Variants in MTMR3 observed in about 807,000 individuals in gnomAD.
MTMR3 encodes phosphatidylinositol-3,5-bisphosphate 3-phosphatase MTMR3.
Under a neutral mutation model 132.4 loss-of-function variants are expected in MTMR3, and 32 were observed. That is an observed-to-expected ratio of 0.24 (90% confidence interval 0.18 to 0.32). MTMR3 has a LOEUF of 0.32. Among genes scored for constraint, MTMR3 ranks in the 10% least tolerant of loss-of-function variants. The pLI is 1.00. For synonymous variants in MTMR3, 556 were observed against 550.3 expected, an observed-to-expected ratio of 1.01 and a Z score of -0.14; for missense variants, 1,216 against 1,489.6, an observed-to-expected ratio of 0.82 and a Z score of 3.02.
chr22:29,907,868 T>C (rs1481559601), intron 1 of MTMR3, among the ~76,000 whole-genome samples: 1 of 152,058 alleles, frequency 6.6e-6, no homozygotes, highest in Non-Finnish European at 1.5e-5. Context: ...AGGAATATGG[T>C]TTCATGATAA....
rs145703649 is a variant in MTMR3 at position 29,896,869 on chromosome 22, T to TCTCTCACACACACACA, written c.-138+13511_-138+13512insTCTCACACACACACAC. Reference sequence around the variant, plus strand: ...TATAGTACAGAATAACAGGCTTGTCTCACACACACACACACACACACACAC... The same window carrying TCTCTCACACACACACA: ...TATAGTACAGAATAACAGGCTTGTCTCTCTCACACACACACACACACACACACACACACACACACAC... On this transcript the variant is annotated intron_variant, in intron 1 of 19. Transcript: ENST00000401950. Among the ~76,000 whole-genome samples, 6 of 138,222 alleles carry TCTCTCACACACACACA rather than the reference T, an allele frequency of 4.3e-5. No homozygotes were observed. The East Asian group carries it at 8.6e-4, about 20-fold the overall frequency. The allele number at this position is 138,222 out of a possible 152,430, so 90.7% of individuals were successfully genotyped here. A position where few individuals can be genotyped will look rare whatever the true frequency, so the allele number is the denominator to read the frequency against.
chr22:29,962,022 C>A (rs1346232828), intron 2 of MTMR3, among the ~76,000 whole-genome samples: 1 of 152,202 alleles, frequency 6.6e-6, no homozygotes, highest in Non-Finnish European at 1.5e-5. Flanking sequence ...TGTATAAATA[C>A]CTCTGTGATG....
chr22:30,023,655 C>T (rs778142343), intron 19 of MTMR3: 20 of 738,012 alleles, frequency 2.7e-5, no homozygotes, highest in African/African-American at 1.7e-4. Context: ...GAGAGGCCAT[C>T]GAGGGTGGGT....
At chr22:29,936,137 CT>C (rs112804604) in intron 1 of MTMR3, among the ~76,000 whole-genome samples, 4,938 of 152,214 alleles carry the variant, frequency 0.032, 278 homozygotes, top group African/African-American at 0.11. Flanking sequence ...TCATCTCTTT[CT>C]ATTCTGTAGC....
At chr22:29,927,935 C>CTTTTTTT (rs1448628702) in intron 1 of MTMR3, among the ~76,000 whole-genome samples, 2 of 108,472 alleles carry the variant, frequency 1.8e-5, no homozygotes, top group African/African-American at 6.3e-5. Flanking sequence ...AATCTCTAGC[C>CTTTTTTT]TTTGTTTTTT....
chr22:29,969,538 GTTTT>G (rs111517689), intron 2 of MTMR3, among the ~76,000 whole-genome samples: 2 of 150,208 alleles, frequency 1.3e-5, no homozygotes, highest in Non-Finnish European at 3.0e-5. Flanking sequence ...TGTTTTTTTG[GTTTT>G]TTTTTGAGAC....
intron 1 of MTMR3, among the ~76,000 whole-genome samples, chr22:29,890,958 C>T (rs2064785315): frequency 1.3e-5 from 2 of 150,976 alleles, no homozygotes; most frequent in Non-Finnish European, 1.5e-5. Flanking sequence ...GGCTAAAGTT[C>T]ACTGTGATTG....
intron 3 of MTMR3, among the ~76,000 whole-genome samples, chr22:29,975,654 G>T (rs369960213): frequency 6.6e-6 from 1 of 152,316 alleles, no homozygotes; most frequent in South Asian, 2.1e-4. Flanking sequence ...AGGCTTGACC[G>T]TAGTGGCGCA....
intron 9 of MTMR3, chr22:30,004,404 GAGGCTTT>G (rs1428536510): frequency 6.6e-6 from 1 of 152,158 alleles, no homozygotes; most frequent in African/African-American, 2.4e-5. Context: ...TGCAAAATAA[GAGGCTTT>G]AGGTGAATTC....
chr22:29,935,321 G>A (rs932287869), intron 1 of MTMR3, among the ~76,000 whole-genome samples: 1 of 152,162 alleles, frequency 6.6e-6, no homozygotes, highest in Admixed American at 6.5e-5. Context: ...ATACCATTGG[G>A]AGTGGAAGCA....
At chr22:29,917,403 G>A (rs1242961285) in intron 1 of MTMR3, among the ~76,000 whole-genome samples, 1 of 152,180 alleles carries the variant, frequency 6.6e-6, no homozygotes, top group Non-Finnish European at 1.5e-5. Flanking sequence ...TACTTGGCAG[G>A]CTGAGGTGGG....
chr22:29,973,824 C>A (rs1481578094), intron 3 of MTMR3, among the ~76,000 whole-genome samples: 3 of 152,158 alleles, frequency 2.0e-5, no homozygotes, highest in Non-Finnish European at 4.4e-5. Flanking sequence ...GTCTCGAACT[C>A]CTGACCTCAG....
At chr22:29,889,905 T>C (rs926664958) in intron 1 of MTMR3, among the ~76,000 whole-genome samples, 12 of 56,016 alleles carry the variant, frequency 2.1e-4, no homozygotes, top group Non-Finnish European at 3.0e-4. Context: ...TTAGGATAAA[T>C]TCTTTTTTTT....
intron 17 of MTMR3, 174 bp from the exon 18 acceptor site, chr22:30,021,854 AG>A (rs1214967386): frequency 4.9e-6 from 3 of 608,330 alleles, no homozygotes; most frequent in Non-Finnish European, 8.9e-6. Context: ...AGCTGAGCCC[AG>A]GCCCACACTG....
intron 1 of MTMR3, among the ~76,000 whole-genome samples, chr22:29,903,663 G>A (rs934163703): frequency 6.6e-6 from 1 of 152,066 alleles, no homozygotes; most frequent in Non-Finnish European, 1.5e-5. Context: ...AATGTGCTGG[G>A]ATCACAGGTG....
intron 19 of MTMR3, chr22:30,023,318 A>T: frequency 1.2e-6 from 1 of 815,078 alleles, no homozygotes; most frequent in Non-Finnish European, 2.1e-6. Context: ...GCTCACCCAC[A>T]CGAGTGGGTG....
At position 30,025,935 on chromosome 22, in the gene MTMR3, A is replaced by G. The variant is rs1310741370; in HGVS notation, c.*134A>G. On this transcript the variant is annotated 3_prime_UTR_variant, in exon 20 of 20. Coordinates refer to ENST00000401950, the MANE Select transcript of MTMR3 (RefSeq NM_021090.4). ...ACCTGTACAGAGTGACAGATTTGGG[A>G]TGCACCACTGGATTGTAGATTGATT... is the stretch of plus-strand genomic sequence containing the variant. 1.3e-5 allele frequency: 11 copies of G among 847,588 alleles called. No individual in the cohort carries two copies. In the South Asian group the frequency reaches 1.5e-4, roughly 11 times the overall value. The allele number at this position is 847,588 out of a possible 1,614,324, so 52.5% of individuals were successfully genotyped here.
At chr22:29,898,230 A>G (rs2145720461) in intron 1 of MTMR3, among the ~76,000 whole-genome samples, 1 of 152,354 alleles carries the variant, frequency 6.6e-6, no homozygotes, top group African/African-American at 2.4e-5. Context: ...TGTTTTCAAC[A>G]AATATACAAA....
At chr22:29,913,726 G>GTT (rs546672898) in intron 1 of MTMR3, among the ~76,000 whole-genome samples, 36 of 146,406 alleles carry the variant, frequency 2.5e-4, no homozygotes, top group Admixed American at 6.8e-4. Context: ...GGATATTGGG[G>GTT]TTTTTTTTTT....
Sources: allele counts gnomAD v4.1 joint callset (sites outside exome capture counted in the v4.1 genomes callset), GRCh38; gene constraint gnomAD v4.1.1; transcripts MANE v1.5; gene names NCBI Gene and HGNC (gene_info 2026-07-23, HGNC 2026-07-21).